Variants in NTM observed in about 807,000 individuals in gnomAD.
NTM encodes IgLON family member 2.
Under a neutral mutation model 42.1 loss-of-function variants are expected in NTM, and 13 were observed. That is an observed-to-expected ratio of 0.31 (90% CI 0.20 to 0.49). NTM has a LOEUF of 0.49. Among genes scored for constraint, NTM ranks in the 20% least tolerant of loss-of-function variants. The pLI is 0.99. For synonymous variants in NTM, 187 were observed against 179.2 expected, an observed-to-expected ratio of 1.04 and a Z score of -0.35; for missense variants, 373 against 452.8, an observed-to-expected ratio of 0.82 and a Z score of 1.60.
intron 1 of NTM, among the ~76,000 whole-genome samples, chr11:131,754,409 G>A (rs1383261559): frequency 6.6e-6 from 1 of 152,172 alleles, no homozygotes; most frequent in East Asian, 1.9e-4. Flanking sequence ...CAGATCACTT[G>A]AGGTCAGGAG....
chr11:131,423,033 G>C, intron 1 of NTM, among the ~76,000 whole-genome samples: 1 of 152,198 alleles, frequency 6.6e-6, no homozygotes, highest in East Asian at 1.9e-4. Flanking sequence ...GCTACACAAA[G>C]TGTGGTGCCA....
At chr11:131,828,326 A>G (rs1319856791) in intron 1 of NTM, among the ~76,000 whole-genome samples, 1 of 152,070 alleles carries the variant, frequency 6.6e-6, no homozygotes, top group East Asian at 1.9e-4. Context: ...CTTCACCATT[A>G]TTGCCAAAAT....
chr11:131,406,988 G>A (rs974332306), intron 1 of NTM, among the ~76,000 whole-genome samples: 13 of 152,224 alleles, frequency 8.5e-5, no homozygotes, highest in African/African-American at 2.2e-4. Flanking sequence ...TGATTAAAAC[G>A]ACTCAGAAAG....
Position 132,207,631 on chromosome 11 carries a change from G to A in NTM, c.401-4391G>A, listed in dbSNP as rs147828944. 2.4e-3 allele frequency among the ~76,000 whole-genome samples: 363 copies of A among 152,308 alleles called. 2 individuals carry two copies. The highest frequency in any genetic ancestry group is 3.7e-3 in the Non-Finnish European group (254 of 68,022). On this transcript the variant is annotated intron_variant, in intron 3 of 8. Coordinates refer to ENST00000683400, the MANE Select transcript of NTM (RefSeq NM_001352005.2). The stretch of plus-strand genomic sequence containing the variant: ...GAAACCTGTCCCTGGTGCCAACAAG[G>A]TTGGGGACTACTCCTCTAAAGTAGA...
At chr11:131,628,410 T>C (rs1359604059) in intron 1 of NTM, among the ~76,000 whole-genome samples, 2 of 152,200 alleles carry the variant, frequency 1.3e-5, no homozygotes, top group Admixed American at 1.3e-4. Flanking sequence ...ATAAACACAG[T>C]TATCACCAAG....
chr11:131,513,397 A>G (rs1197543358), intron 1 of NTM, among the ~76,000 whole-genome samples: 1 of 152,142 alleles, frequency 6.6e-6, no homozygotes, highest in Non-Finnish European at 1.5e-5. Context: ...GACCACAGAG[A>G]TGGCCAAGCC....
At chr11:131,402,212 C>T (rs957117418) in intron 1 of NTM, among the ~76,000 whole-genome samples, 4 of 151,910 alleles carry the variant, frequency 2.6e-5, no homozygotes, top group African/African-American at 9.7e-5. Context: ...AATCACATGT[C>T]ATGTCATAAC....
At chr11:131,612,277 G>T (rs1431722344) in intron 1 of NTM, among the ~76,000 whole-genome samples, 1 of 152,218 alleles carries the variant, frequency 6.6e-6, no homozygotes, top group Non-Finnish European at 1.5e-5. Flanking sequence ...GAACTGCTCA[G>T]CCAGGCTGCT....
intron 1 of NTM, among the ~76,000 whole-genome samples, chr11:131,604,158 T>G (rs560062254): frequency 6.6e-6 from 1 of 152,174 alleles, no homozygotes; most frequent in African/African-American, 2.4e-5. Context: ...TGTGTGAGGG[T>G]TCCAATTCTT....
chr11:132,131,669 GTTC>G lies in NTM; in HGVS notation c.168-14608_168-14606del, dbSNP rs139041989. Among the ~76,000 whole-genome samples, 589 of 152,284 alleles carry G rather than the reference GTTC, an allele frequency of 3.9e-3. 7 individuals are homozygous for G. The highest frequency in any genetic ancestry group is 0.014 in the African/African-American group (567 of 41,554). ...ATCCCAGACCTCAAGGTCCTGGCAT[GTTC>G]TTCTGAACTCTTTGAGCTTCATCCT... On this transcript the variant is annotated intron_variant, in intron 2 of 8. Coordinates refer to ENST00000683400, the MANE Select transcript of NTM (RefSeq NM_001352005.2).
intron 4 of NTM, among the ~76,000 whole-genome samples, chr11:132,225,541 C>T (rs1203750932): frequency 1.3e-5 from 2 of 152,072 alleles, no homozygotes; most frequent in African/African-American, 4.8e-5. Context: ...TTCTGGTGCT[C>T]AGGGAAGTGA....
At chr11:131,633,523 G>GTCTCTC (rs951697594) in intron 1 of NTM, among the ~76,000 whole-genome samples, 7 of 148,460 alleles carry the variant, frequency 4.7e-5, no homozygotes, top group Non-Finnish European at 1.0e-4. Flanking sequence ...TCAGGGTTCT[G>GTCTCTC]TCTCTCTCTC....
chr11:131,661,329 A>G (rs2658859), intron 1 of NTM: 160,556 of 192,480 alleles, frequency 0.83, 67,095 homozygotes, highest in East Asian at 0.89. Context: ...AGGGCCTAGA[A>G]GAAGTAGGGA....
At chr11:131,888,068 A>G (rs1162736979) in intron 1 of NTM, among the ~76,000 whole-genome samples, 1 of 152,202 alleles carries the variant, frequency 6.6e-6, no homozygotes, top group Non-Finnish European at 1.5e-5. Context: ...TACGAGGCCA[A>G]GCTGGGTGGA....
At chr11:131,972,921 T>C (rs886203976) in intron 2 of NTM, among the ~76,000 whole-genome samples, 2 of 152,200 alleles carry the variant, frequency 1.3e-5, no homozygotes, top group Admixed American at 6.5e-5. Flanking sequence ...TAAATCACTT[T>C]GTGCCATCTT....
chr11:131,649,936 G>T (rs1175752456), intron 1 of NTM, among the ~76,000 whole-genome samples: 6 of 152,146 alleles, frequency 3.9e-5, no homozygotes, highest in Non-Finnish European at 8.8e-5. Context: ...GGTCAACAGT[G>T]GTGCCAGGGC....
At chr11:131,643,151 C>T (rs963806048) in intron 1 of NTM, among the ~76,000 whole-genome samples, 3 of 152,030 alleles carry the variant, frequency 2.0e-5, no homozygotes, top group Non-Finnish European at 2.9e-5. Context: ...GAGCCCCTGT[C>T]GTTATTTTCA....
intron 8 of NTM, 72 bp downstream of exon 8, chr11:132,330,257 G>A (rs946419504): frequency 6.6e-7 from 1 of 1,513,196 alleles, no homozygotes; most frequent in Non-Finnish European, 9.0e-7. Flanking sequence ...CTTCCTCCCA[G>A]ATGCCTTCTT....
chr11:131,642,718 T>C (rs1307846905), intron 1 of NTM, among the ~76,000 whole-genome samples: 1 of 152,216 alleles, frequency 6.6e-6, no homozygotes, highest in African/African-American at 2.4e-5. Flanking sequence ...ACACCTCATC[T>C]TGACCTTTCT....
Sources: gnomAD v4.1 joint callset for allele counts (sites outside exome capture counted in the v4.1 genomes callset) on GRCh38, gnomAD v4.1.1 for gene constraint, MANE v1.5 for transcripts, NCBI Gene and HGNC (gene_info 2026-07-23, HGNC 2026-07-21) for gene names.